Variants in CORO6 observed in about 807,000 individuals in gnomAD.
The protein encoded by CORO6 is coronin 6.
CORO6 carries 43 observed loss-of-function variants against 49.0 expected under a neutral mutation model. The ratio of observed to expected loss-of-function variants is 0.88; its 90% confidence interval spans 0.69 to 1.13. CORO6 has a LOEUF of 1.13. Among genes scored for constraint, CORO6 ranks in the 50% most tolerant of loss-of-function variants. The pLI is 0.00. For missense variants in CORO6, 650 were observed against 647.0 expected (o/e 1.00, Z -0.05); for synonymous variants, 233 against 256.5 (o/e 0.91, Z 0.88).
chr17:29,622,833 G>T lies in CORO6; in HGVS notation c.-209C>A. 6 of 1,305,248 alleles carry T rather than the reference G, an allele frequency of 4.6e-6. No individual in the cohort carries two copies. Among genetic ancestry groups the T allele is most frequent in the Non-Finnish European group, 6.1e-6 (6 of 991,232 alleles). The allele number at this position is 1,305,248 out of a possible 1,614,324, so 80.9% of individuals were successfully genotyped here. A position where few individuals can be genotyped will look rare whatever the true frequency, so the allele number is the denominator to read the frequency against. Reference sequence around the variant, plus strand: ...ATCTGGGACCCGGGTGTCCAGCTCCGCACTCTGGCCGATCCTGCGGCTCTC... The same window carrying T: ...ATCTGGGACCCGGGTGTCCAGCTCCTCACTCTGGCCGATCCTGCGGCTCTC... On this transcript the variant is annotated 5_prime_UTR_variant, in exon 1 of 11. It introduces an in-frame stop codon into an upstream open reading frame of the 5' UTR. Transcript: ENST00000388767.
At chr17:29,617,786 G>A (rs1179438692) in intron 5 of CORO6, 167 bp from the exon 6 acceptor site, 7 of 794,190 alleles carry the variant, frequency 8.8e-6, no homozygotes, top group Non-Finnish European at 1.4e-5. Context: ...GCCACGTCTG[G>A]CCCCTGACCT....
rs377722229 is a variant in CORO6 at position 29,621,402 on chromosome 17, C to T, written c.20G>A (p.Arg7Gln). 1.7e-5 allele frequency: 27 copies of T among 1,611,634 alleles called. No individual in the cohort carries two copies. Among genetic ancestry groups the T allele is most frequent in the Admixed American group, 3.4e-5 (2 of 59,580 alleles). ...AAACACATGGCGGAACTTGCTTTGC[C>T]GAACCACACGTCTGCTCATAGCTGC... Reference protein sequence around the residue: MSRRVVRQSKFRHVFGQ... With the variant: MSRRVVQQSKFRHVFGQ... Residue 7 changes from arginine (R) to glutamine (Q), a missense_variant, in exon 2 of 11, where the codon CGG becomes CAG. Physicochemically the swap from Arg to Gln is conservative, Grantham distance 43. Transcript: ENST00000388767. The surrounding 1 kb of genome is among the most constrained non-coding windows in gnomAD (Gnocchi z 4.2).
At position 29,616,184 on chromosome 17, in the gene CORO6, G is replaced by A. The variant is rs745534832; in HGVS notation, c.1063-9C>T. On this transcript the variant is annotated splice_polypyrimidine_tract_variant and intron_variant, in intron 9 of 10. Transcript: ENST00000388767. This position sits in a 1 kb window ranked among gnomAD's most constrained non-coding sequence, Gnocchi z 5.6. The stretch of plus-strand genomic sequence containing the variant: ...TCCTGGAAGAGGTCTGACTGCGGGG[G>A]TGGGTGGACAGGAGGACTTGCGTGA... 11 of 1,611,752 alleles carry A rather than the reference G, an allele frequency of 6.8e-6. No individual in the cohort carries two copies. The African/African-American group carries it at 8.0e-5, about 12-fold the overall frequency.
chr17:29,621,869 C>T lies in CORO6; in HGVS notation c.-63-385G>A, dbSNP rs1339943890. ...AGGCACCCTGTCCAGAAGCAGAAGACTTGACCATTGGATCTTGGCTTAAAG... is the reference window on the plus strand; with the variant it reads ...AGGCACCCTGTCCAGAAGCAGAAGATTTGACCATTGGATCTTGGCTTAAAG... On this transcript the variant is annotated intron_variant, in intron 1 of 10. Coordinates refer to ENST00000388767, the MANE Select transcript of CORO6 (RefSeq NM_032854.4). The surrounding 1 kb of genome is among the most constrained non-coding windows in gnomAD (Gnocchi z 4.2). 1 of 194,042 alleles carries T rather than the reference C, an allele frequency of 5.2e-6. No individual in the cohort carries two copies. The highest frequency in any genetic ancestry group is 1.1e-5 in the Non-Finnish European group (1 of 91,700). The allele number at this position is 194,042 out of a possible 1,614,324, so 12.0% of individuals were successfully genotyped here.
chr17:29,618,977 C>T lies in CORO6; in HGVS notation c.452-6G>A, dbSNP rs967595081. 6.2e-7 allele frequency: 1 copy of T among 1,613,472 alleles called. No individual in the cohort carries two copies. The highest frequency in any genetic ancestry group is 8.5e-7 in the Non-Finnish European group (1 of 1,179,836). Reference sequence around the variant, plus strand: ...GATGATCACATTGTCACCACCTGCCCAGAGTGGCCAGGCATGGTCACCTGG... The same window carrying T: ...GATGATCACATTGTCACCACCTGCCTAGAGTGGCCAGGCATGGTCACCTGG... On this transcript the variant is annotated splice_region_variant and splice_polypyrimidine_tract_variant and intron_variant, in intron 4 of 10. Transcript: ENST00000388767.
chr17:29,617,860 A>G, intron 5 of CORO6: 1 of 679,312 alleles, frequency 1.5e-6, no homozygotes, highest in South Asian at 2.1e-5. Flanking sequence ...CGAACCCTTA[A>G]GCGCGCTCAA....
Position 29,621,664 on chromosome 17 carries a change from G to C in CORO6, c.-63-180C>G, listed in dbSNP as rs1241620529. On this transcript the variant is annotated intron_variant, in intron 1 of 10. Transcript: ENST00000388767. This position sits in a 1 kb window ranked among gnomAD's most constrained non-coding sequence, Gnocchi z 4.2. ...GTTTAATGTAAGTGGCTAGGATTTG[G>C]GGCCTGAATTCTCCACAGAGACCCA... The C allele has an allele frequency of 6.5e-6, 4 of 612,986 alleles. No individual in the cohort carries two copies. The highest frequency in any genetic ancestry group is 6.1e-5 in the Admixed American group (2 of 32,668). 38.0% of individuals were successfully genotyped at this position (612,986 alleles called of 1,614,324 possible).
intron 3 of CORO6, 35 bp downstream of exon 3, chr17:29,619,616 G>C (rs1189650381): frequency 1.9e-6 from 3 of 1,607,050 alleles, no homozygotes; most frequent in Non-Finnish European, 2.6e-6. Flanking sequence ...CTGCTCCCCT[G>C]CTCAACTGCC....
In CORO6 at chr17:29,616,311, ACTTT is replaced by A. The variant is rs1567803829; in HGVS notation, c.1026_1029del (p.Arg342SerfsTer7). ...GGCACAGTCATGATGATAGGTTCACACTTTCTTTCGTGTAGCTTGTAGAACCTAT... is the reference window on the plus strand; with the variant it reads ...GGCACAGTCATGATGATAGGTTCACACTTTCGTGTAGCTTGTAGAACCTAT... On this transcript the variant is annotated frameshift_variant, in exon 9 of 11. Coordinates refer to ENST00000388767, the MANE Select transcript of CORO6 (RefSeq NM_032854.4). LOFTEE classifies it high-confidence loss of function. This position sits in a 1 kb window ranked among gnomAD's most constrained non-coding sequence, Gnocchi z 5.6. 1 of 1,609,772 alleles carries A rather than the reference ACTTT, an allele frequency of 6.2e-7. No individual in the cohort carries two copies. Among genetic ancestry groups the A allele is most frequent in the Admixed American group, 1.7e-5 (1 of 59,484 alleles).
At chr17:29,620,979 G>T (rs2035278503) in intron 2 of CORO6, among the ~76,000 whole-genome samples, 1 of 152,142 alleles carries the variant, frequency 6.6e-6, no homozygotes. Flanking sequence ...CCTGGTCCCT[G>T]CTGGGAATGG....
In CORO6 at chr17:29,615,756, G is replaced by C; in HGVS notation, c.1395C>G (p.Cys465Trp). 1.3e-6 allele frequency: 2 copies of C among 1,549,140 alleles called. No homozygotes were observed. The highest frequency in any genetic ancestry group is 1.7e-6 in the Non-Finnish European group (2 of 1,147,454). The change falls in exon 11 of 11, where the codon TGC becomes TGG. Residue 465 changes from cysteine to tryptophan, a missense_variant. Cys to Trp is a radical substitution (Grantham distance 215). Coordinates refer to ENST00000388767, the MANE Select transcript of CORO6 (RefSeq NM_032854.4). Reference protein sequence around the residue: ...QRITALENMLCELVDGTD With the variant: ...QRITALENMLWELVDGTD ...GCTAGTCCGTGCCGTCCACCAGCTCGCACAGCATGTTCTCCAGAGCCGTGA... is the reference window on the plus strand; with the variant it reads ...GCTAGTCCGTGCCGTCCACCAGCTCCCACAGCATGTTCTCCAGAGCCGTGA...
chr17:29,618,112 T>C (rs1374475680), intron 5 of CORO6: 18 of 1,453,104 alleles, frequency 1.2e-5, no homozygotes, highest in Non-Finnish European at 1.6e-5. Context: ...CAGCTTCCCG[T>C]CTGCGGTGAA....
At chr17:29,617,325 A>T in intron 6 of CORO6, 175 bp downstream of exon 6, 1 of 1,527,232 alleles carries the variant, frequency 6.5e-7, no homozygotes, top group Non-Finnish European at 8.7e-7. Context: ...AGGATCCTTC[A>T]CGCGACGCAG....
chr17:29,617,710 G>A (rs2035056862), intron 5 of CORO6, 91 bp from the exon 6 acceptor site: 1 of 1,361,398 alleles, frequency 7.3e-7, no homozygotes, highest in African/African-American at 1.5e-5. Context: ...TGACTTGGGT[G>A]TCCGGGGTGG....
intron 5 of CORO6, chr17:29,617,932 G>A: frequency 2.2e-6 from 2 of 923,220 alleles, no homozygotes; most frequent in South Asian, 1.9e-5. Context: ...GGCTTTTCCC[G>A]AATGGGAGCT....
rs1362723932 is a variant in CORO6 at position 29,614,993 on chromosome 17, TATTTC to T, written c.*734_*738del. On this transcript the variant is annotated 3_prime_UTR_variant, in exon 11 of 11. Coordinates refer to ENST00000388767, the MANE Select transcript of CORO6 (RefSeq NM_032854.4). ...GGCACAGACTGAACGCTTAGTAAAA[TATTTC>T]ATTCAGTACGTCTTGTTTTTCTGAG... The T allele has an allele frequency of 3.9e-5, 6 of 152,250 alleles. No homozygotes were observed. The East Asian group carries it at 1.2e-3, about 29-fold the overall frequency. 9.4% of individuals were successfully genotyped at this position (152,250 alleles called of 1,614,324 possible).
chr17:29,622,598 C>G (rs1008328930), intron 1 of CORO6, 90 bp downstream of exon 1: 2 of 740,726 alleles, frequency 2.7e-6, no homozygotes, highest in South Asian at 4.1e-5. Flanking sequence ...AATTTGGCGG[C>G]GCGGGGGGAG....
rs1025639366 is a variant in CORO6, at chr17:29,622,604, GGGA to G, written c.-64+81_-64+83del. On this transcript the variant is annotated intron_variant, in intron 1 of 10. Transcript: ENST00000388767. ...CCGAAACCGAATTTGGCGGCGCGGG[GGGA>G]GGAGGCGCAGACCTCTGCCCCTCAG... The G allele has an allele frequency of 9.0e-6, 7 of 775,252 alleles. No homozygotes were observed. In the African/African-American group the frequency reaches 1.2e-4, roughly 13 times the overall value. 48.0% of individuals were successfully genotyped at this position (775,252 alleles called of 1,614,324 possible). A position where few individuals can be genotyped will look rare whatever the true frequency, so the allele number is the denominator to read the frequency against.
chr17:29,616,399 G>T lies in CORO6; in HGVS notation c.1005-63C>A. On this transcript the variant is annotated intron_variant, in intron 8 of 10. Coordinates refer to ENST00000388767, the MANE Select transcript of CORO6 (RefSeq NM_032854.4). This position sits in a 1 kb window ranked among gnomAD's most constrained non-coding sequence, Gnocchi z 5.6. ...CACGTCCTTAACTTCTCCTGTCTAA[G>T]ACCAAGGGGGTTGGAGGCCAACACT... 1 of 1,503,340 alleles carries T rather than the reference G, an allele frequency of 6.7e-7. No homozygotes were observed. The highest frequency in any genetic ancestry group is 9.0e-7 in the Non-Finnish European group (1 of 1,107,416). The allele number at this position is 1,503,340 out of a possible 1,614,324, so 93.1% of individuals were successfully genotyped here. A position where few individuals can be genotyped will look rare whatever the true frequency, so the allele number is the denominator to read the frequency against.
Sources: allele counts gnomAD v4.1 joint callset (sites outside exome capture counted in the v4.1 genomes callset), GRCh38; gene constraint gnomAD v4.1.1; non-coding constraint Gnocchi (gnomAD v3.1); transcripts MANE v1.5; gene names NCBI Gene and HGNC (gene_info 2026-07-23, HGNC 2026-07-21).